The following AMOTL1 variants were observed in gnomAD, a reference collection of about 807,000 sequenced individuals.
AMOTL1 encodes the protein angiomotin-like protein 1.
In AMOTL1, 45 loss-of-function variants were observed where a neutral mutation model predicts 102.9. The observed-to-expected ratio is 0.44, with a 90% CI of 0.34 to 0.56. The LOEUF is 0.56. AMOTL1 is among the 20% of genes least tolerant of loss of function. The pLI is 0.01. For missense variants in AMOTL1, 1,114 were observed against 1,225.6 expected, an observed-to-expected ratio of 0.91 and a Z score of 1.36; for synonymous variants, 481 against 484.7, an observed-to-expected ratio of 0.99 and a Z score of 0.10.
At chr11:94,845,187 A>G (rs1952383823) in intron 6 of AMOTL1, among the ~76,000 whole-genome samples, 2 of 152,248 alleles carry the variant, frequency 1.3e-5, no homozygotes, top group Non-Finnish European at 2.9e-5. Flanking sequence ...GTGCTCAGAT[A>G]GTAATCACAG....
intron 9 of AMOTL1, among the ~76,000 whole-genome samples, chr11:94,862,454 T>C (rs1442868156): frequency 6.6e-6 from 1 of 152,220 alleles, no homozygotes; most frequent in Non-Finnish European, 1.5e-5. Context: ...ATGCTTTATA[T>C]TTATAATCAA....
chr11:94,827,466 A>G (rs1055927189), intron 4 of AMOTL1, among the ~76,000 whole-genome samples: 2 of 152,218 alleles, frequency 1.3e-5, no homozygotes, highest in South Asian at 2.1e-4. Context: ...AAATCAGCAA[A>G]GAAGTGTTAG....
intron 2 of AMOTL1, among the ~76,000 whole-genome samples, chr11:94,738,763 G>C (rs1254252447): frequency 1.3e-5 from 2 of 152,184 alleles, no homozygotes; most frequent in Non-Finnish European, 2.9e-5. Flanking sequence ...AGGAGAGTGA[G>C]GGGCAGAGAA....
At chr11:94,793,087 T>G (rs1951313569) in intron 1 of AMOTL1, among the ~76,000 whole-genome samples, 1 of 152,112 alleles carries the variant, frequency 6.6e-6, no homozygotes, top group Non-Finnish European at 1.5e-5. Context: ...CACACACACA[T>G]ATATATTTTA....
In AMOTL1 at chr11:94,799,273, T is replaced by G; in HGVS notation, c.200-117T>G. 1.1e-6 allele frequency: 1 copy of G among 925,372 alleles called. No homozygotes were observed. The highest frequency in any genetic ancestry group is 1.6e-6 in the Non-Finnish European group (1 of 632,206). 57.3% of individuals were successfully genotyped at this position (925,372 alleles called of 1,614,324 possible). A position where few individuals can be genotyped will look rare whatever the true frequency, so the allele number is the denominator to read the frequency against. ...AGGTAAATGGAGGTGATGATGCATT[T>G]GAAATCTTATTTTTAAATGTTGCTG... On this transcript the variant is annotated intron_variant, in intron 2 of 12. Transcript: ENST00000433060. This position sits in a 1 kb window ranked among gnomAD's most constrained non-coding sequence, Gnocchi z 4.5.
intron 6 of AMOTL1, among the ~76,000 whole-genome samples, chr11:94,847,490 A>G (rs1254223964): frequency 6.6e-6 from 1 of 152,076 alleles, no homozygotes; most frequent in African/African-American, 2.4e-5. Flanking sequence ...TAACCAAACA[A>G]AGTCCTTTAT....
At chr11:94,787,516 C>T (rs1198602630) in intron 1 of AMOTL1, among the ~76,000 whole-genome samples, 2 of 151,582 alleles carry the variant, frequency 1.3e-5, no homozygotes, top group East Asian at 1.9e-4. Flanking sequence ...GGTGAAACCC[C>T]GTCTTTACTA....
At chr11:94,835,162 G>T (rs1156413958) in intron 6 of AMOTL1, among the ~76,000 whole-genome samples, 1 of 152,172 alleles carries the variant, frequency 6.6e-6, no homozygotes, top group Non-Finnish European at 1.5e-5. Flanking sequence ...GAATTCTCTG[G>T]TCTTGCTTGT....
chr11:94,758,189 A>G lies in AMOTL1; in HGVS notation c.136+17201A>G, dbSNP rs184500232. Among the ~76,000 whole-genome samples the G allele has an allele frequency of 7.2e-5, 11 of 152,350 alleles. No homozygotes were observed. The South Asian group carries it at 1.0e-3, about 14-fold the overall frequency. On this transcript the variant is annotated intron_variant, in intron 3 of 4. Transcript: ENST00000299004. Reference sequence around the variant, plus strand: ...TTTTGACACAGTTATTAGCTAAAAAATCAAATGTTCAAAGATATGGAGCAG... The same window carrying G: ...TTTTGACACAGTTATTAGCTAAAAAGTCAAATGTTCAAAGATATGGAGCAG...
rs140619368 is a variant in AMOTL1, at chr11:94,758,631, A to G, written c.136+17643A>G. On this transcript the variant is annotated intron_variant, in intron 3 of 4. Transcript: ENST00000299004. ...TAAGCTATTTTGAAGATTTTTAAGC[A>G]ATGATAAATTAAAAAGAAATTATAC... Among the ~76,000 whole-genome samples the G allele has an allele frequency of 4.8e-3, 737 of 152,364 alleles. 10 individuals carry two copies. Among genetic ancestry groups the G allele is most frequent in the African/African-American group, 0.017 (690 of 41,588 alleles).
chr11:94,839,722 T>C (rs1186061433), intron 6 of AMOTL1, among the ~76,000 whole-genome samples: 3 of 152,198 alleles, frequency 2.0e-5, no homozygotes, highest in African/African-American at 7.2e-5. Context: ...TTTCTTATTT[T>C]TTGCTTCCCC....
At chr11:94,754,420 CA>C (rs1488289381) in intron 3 of AMOTL1, among the ~76,000 whole-genome samples, 2 of 152,218 alleles carry the variant, frequency 1.3e-5, no homozygotes, top group Non-Finnish European at 2.9e-5. Flanking sequence ...CTCTCCCATA[CA>C]AACCCAGATT....
At chr11:94,761,193 CT>C (rs57096553) in intron 3 of AMOTL1, among the ~76,000 whole-genome samples, 19,099 of 136,832 alleles carry the variant, frequency 0.14, 2,745 homozygotes, top group African/African-American at 0.36. Flanking sequence ...TTTTTCTTTT[CT>C]TTTTTTTTTT....
intron 1 of AMOTL1, among the ~76,000 whole-genome samples, chr11:94,772,332 C>T (rs1415163025): frequency 6.6e-6 from 1 of 152,198 alleles, no homozygotes; most frequent in Non-Finnish European, 1.5e-5. Context: ...CCAATGATCT[C>T]CCTTATGCTA....
intron 3 of AMOTL1, among the ~76,000 whole-genome samples, chr11:94,742,234 T>G (rs1480857950): frequency 6.6e-6 from 1 of 152,206 alleles, no homozygotes; most frequent in Admixed American, 6.5e-5. Flanking sequence ...TTTTATGAAA[T>G]GAAAGTGACA....
intron 3 of AMOTL1, among the ~76,000 whole-genome samples, chr11:94,760,820 AT>A (rs1002060549): frequency 3.9e-5 from 6 of 152,144 alleles, no homozygotes; most frequent in South Asian, 4.2e-4. Flanking sequence ...GTAATCAATA[AT>A]TTTTTTTGAT....
At chr11:94,812,731 G>A (rs1951703881) in intron 3 of AMOTL1, among the ~76,000 whole-genome samples, 1 of 152,004 alleles carries the variant, frequency 6.6e-6, no homozygotes, top group South Asian at 2.1e-4. Flanking sequence ...TAGTGATTTT[G>A]GGGTCCCAAG....
At chr11:94,807,892 A>G (rs967132946) in intron 3 of AMOTL1, among the ~76,000 whole-genome samples, 2 of 137,070 alleles carry the variant, frequency 1.5e-5, no homozygotes, top group South Asian at 2.5e-4. Flanking sequence ...GATCAACAGA[A>G]AAATGAGTTT....
In AMOTL1 at chr11:94,768,522, CA is replaced by C. The variant is rs771727320; in HGVS notation, c.14del (p.Lys5SerfsTer11). 8 of 1,601,702 alleles carry C rather than the reference CA, an allele frequency of 5.0e-6. No individual in the cohort carries two copies. In the East Asian group the frequency reaches 1.8e-4, roughly 36 times the overall value. On this transcript the variant is annotated frameshift_variant, in exon 1 of 13. Transcript: ENST00000433060. LOFTEE classifies it high-confidence loss of function. ...AGCCATGATCGCCTCATGTGGAGGG[CA>C]AAGTTGCGCCGGGGAACTTGTGAGC... Reference protein sequence around the residue: MWRAKLRRGTCEPA... With the variant: MWRXKLRRGTCEPA...
Sources: allele counts gnomAD v4.1 joint callset (sites outside exome capture counted in the v4.1 genomes callset), GRCh38; gene constraint gnomAD v4.1.1; non-coding constraint Gnocchi (gnomAD v3.1); transcripts MANE v1.5; gene names NCBI Gene and HGNC (gene_info 2026-07-23, HGNC 2026-07-21).